Variants in SLC22A4 observed in about 807,000 individuals in gnomAD.
The protein encoded by SLC22A4 is solute carrier family 22 member 4, also known as ET transporter.
Under a neutral mutation model 56.6 loss-of-function variants are expected in SLC22A4, and 39 were observed. The observed-to-expected ratio is 0.69, with a 90% CI of 0.53 to 0.90. SLC22A4 has a LOEUF of 0.90. Among genes scored for constraint, SLC22A4 ranks in the 40% least tolerant of loss-of-function variants. The probability of loss-of-function intolerance (pLI) is 0.00; values close to 1 mark genes in which losing one functional copy is unlikely to be tolerated. For missense variants in SLC22A4, 594 were observed against 696.5 expected (o/e 0.85, Z 1.66); for synonymous variants, 241 against 281.4 (o/e 0.86, Z 1.44).
At chr5:132,299,400 TTTTATTTTATTTTA>T (rs1561533442) in intron 1 of SLC22A4, among the ~76,000 whole-genome samples, 6 of 127,228 alleles carry the variant, frequency 4.7e-5, no homozygotes, top group African/African-American at 1.7e-4. Context: ...TTTCGTTTTA[TTTTATTTTATTTTA>T]TTTTATTTTA....
chr5:132,323,419 G>A (rs1280282638), intron 4 of SLC22A4, among the ~76,000 whole-genome samples: 2 of 152,204 alleles, frequency 1.3e-5, no homozygotes, highest in Non-Finnish European at 2.9e-5. Flanking sequence ...CGCAGGTCAG[G>A]TGGGCTCACT....
chr5:132,295,241 CAACT>C (rs769668157), intron 1 of SLC22A4: 74 of 715,628 alleles, frequency 1.0e-4, no homozygotes, highest in Non-Finnish European at 1.6e-4. Context: ...AGTTTGTCAC[CAACT>C]GTCTTTTCAT....
Position 132,334,676 on chromosome 5 carries a change from G to A in SLC22A4, c.1047-42G>A, listed in dbSNP as rs199863244. 36 of 1,393,582 alleles carry A rather than the reference G, an allele frequency of 2.6e-5. 1 individual carries two copies. Among genetic ancestry groups the A allele is most frequent in the African/African-American group, 5.7e-5 (4 of 70,668 alleles). 86.3% of individuals were successfully genotyped at this position (1,393,582 alleles called of 1,614,324 possible). On this transcript the variant is annotated intron_variant, in intron 6 of 9. Transcript: ENST00000200652. The stretch of plus-strand genomic sequence containing the variant: ...CTTGACCATCATAAAATTTTAGAGC[G>A]ATTCACACCATCCCTTTGTCATTTT...
intron 1 of SLC22A4, among the ~76,000 whole-genome samples, chr5:132,306,062 A>G (rs1014233960): frequency 2.0e-5 from 3 of 152,140 alleles, no homozygotes; most frequent in Non-Finnish European, 4.4e-5. Flanking sequence ...AATGACTAAA[A>G]TTAAAGACAC....
chr5:132,315,451 T>G (rs1750318346), intron 3 of SLC22A4, among the ~76,000 whole-genome samples: 1 of 152,100 alleles, frequency 6.6e-6, no homozygotes, highest in Non-Finnish European at 1.5e-5. Flanking sequence ...GCCTTTTTAG[T>G]GGCACAGGGT....
intron 3 of SLC22A4, among the ~76,000 whole-genome samples, chr5:132,319,944 T>C (rs1230760690): frequency 6.6e-6 from 1 of 152,176 alleles, no homozygotes; most frequent in African/African-American, 2.4e-5. Context: ...ATAATATATG[T>C]AAACACTTAG....
In SLC22A4 at chr5:132,334,839, C is replaced by A; in HGVS notation, c.1168C>A (p.Leu390Met). 6.2e-7 allele frequency: 1 copy of A among 1,613,670 alleles called. No individual in the cohort carries two copies. The highest frequency in any genetic ancestry group is 8.5e-7 in the Non-Finnish European group (1 of 1,179,538). ...AATTCCAGCTTACATTACAGCCTGG[C>A]TGCTATTGCGAACCCTGCCCAGGCG... The part of the protein sequence containing the change: ...IEIPAYITAW[L>M]LLRTLPRRYI... The change falls in exon 7 of 10, where the codon CTG becomes ATG. Residue 390 changes from leucine to methionine, a missense_variant. Leu to Met is a conservative substitution (Grantham distance 15). Transcript: ENST00000200652.
intron 2 of SLC22A4, 56 bp from the exon 3 acceptor site, chr5:132,313,558 C>T: frequency 6.4e-7 from 1 of 1,552,266 alleles, no homozygotes; most frequent in East Asian, 2.2e-5. Context: ...TCAGGGCTTG[C>T]AACACACCTT....
intron 1 of SLC22A4, among the ~76,000 whole-genome samples, chr5:132,310,846 C>A (rs13174072): frequency 6.6e-6 from 1 of 152,126 alleles, no homozygotes; most frequent in Non-Finnish European, 1.5e-5. Flanking sequence ...TACTGTAACC[C>A]TTCTGAGAGC....
chr5:132,296,167 G>A (rs1749772484), intron 1 of SLC22A4, among the ~76,000 whole-genome samples: 2 of 152,220 alleles, frequency 1.3e-5, no homozygotes, highest in Non-Finnish European at 2.9e-5. Flanking sequence ...ACTCCAAGAA[G>A]GGGTGATATG....
chr5:132,305,202 GAAGA>G (rs1215946318), intron 1 of SLC22A4, among the ~76,000 whole-genome samples: 7 of 152,160 alleles, frequency 4.6e-5, no homozygotes, highest in African/African-American at 1.7e-4. Flanking sequence ...CAGCAAACTT[GAAGA>G]TAGAGGATTG....
intron 5 of SLC22A4, 51 bp from the exon 6 acceptor site, chr5:132,331,705 C>T: frequency 7.7e-7 from 1 of 1,293,146 alleles, no homozygotes; most frequent in Non-Finnish European, 1.1e-6. Context: ...GCCAAAGATA[C>T]TTCCTTACTA....
intron 4 of SLC22A4, chr5:132,324,473 G>T (rs1039934217): frequency 2.1e-6 from 1 of 470,478 alleles, no homozygotes; most frequent in Admixed American, 2.4e-5. Flanking sequence ...GCTGGTCCAT[G>T]AATGCTCCTG....
chr5:132,339,354 G>A (rs1014803150), intron 8 of SLC22A4, among the ~76,000 whole-genome samples: 3 of 151,872 alleles, frequency 2.0e-5, no homozygotes, highest in Admixed American at 6.6e-5. Context: ...GTGTTTCAGC[G>A]GCATGTTCAA....
chr5:132,313,624 A>G lies in SLC22A4; in HGVS notation c.508A>G (p.Lys170Glu). ...SGQLSDRFGR[K>E]NVLFATMAVQ... ...TACTGCATTCTCTAGGTTTGGCAGGAAGAACGTTCTCTTCGCAACCATGGC... is the reference window on the plus strand; with the variant it reads ...TACTGCATTCTCTAGGTTTGGCAGGGAGAACGTTCTCTTCGCAACCATGGC... The change falls in exon 3 of 10, where the codon AAG (lysine) becomes GAG (glutamate). Residue 170 changes from lysine to glutamate, a missense_variant. Physicochemically the swap from Lys to Glu is moderately conservative, Grantham distance 56. Coordinates refer to ENST00000200652, the MANE Select transcript of SLC22A4 (RefSeq NM_003059.3). The G allele has an allele frequency of 6.2e-7, 1 of 1,614,250 alleles. No homozygotes were observed. The highest frequency in any genetic ancestry group is 8.5e-7 in the Non-Finnish European group (1 of 1,180,026).
rs369167196 is a variant in SLC22A4 at position 132,298,018 on chromosome 5, AC to A, written c.393+3012del. 4.0e-3 allele frequency among the ~76,000 whole-genome samples: 608 copies of A among 152,154 alleles called. 3 individuals carry two copies. The highest frequency in any genetic ancestry group is 0.012 in the African/African-American group (482 of 41,514). On this transcript the variant is annotated intron_variant, in intron 1 of 9. Coordinates refer to ENST00000200652, the MANE Select transcript of SLC22A4 (RefSeq NM_003059.3). ...TTAGTGAGGATGTAGAGAAATTGAAACCCTTGTTCATTCCTAGTGGGAGTGT... is the reference window on the plus strand; with the variant it reads ...TTAGTGAGGATGTAGAGAAATTGAAACCTTGTTCATTCCTAGTGGGAGTGT...
rs139204992 is a variant in SLC22A4 at position 132,295,548 on chromosome 5, T to C, written c.393+539T>C. The stretch of plus-strand genomic sequence containing the variant: ...ACAGCAGATGGCCTCCTGAGGCTCA[T>C]TGGGTGCAAGGAAGCACAGAAGGCG... On this transcript the variant is annotated intron_variant, in intron 1 of 9. Transcript: ENST00000200652. 1,245 of 338,132 alleles carry C rather than the reference T, an allele frequency of 3.7e-3. 28 individuals are homozygous for C. Among genetic ancestry groups the C allele is most frequent in the East Asian group, 0.023 (295 of 12,674 alleles). 20.9% of individuals were successfully genotyped at this position (338,132 alleles called of 1,614,324 possible).
intron 6 of SLC22A4, 33 bp downstream of exon 6, chr5:132,331,883 C>G: frequency 7.5e-7 from 1 of 1,335,584 alleles, no homozygotes; most frequent in Non-Finnish European, 1.1e-6. Context: ...ATGCAGATAT[C>G]CAGCACATAA....
intron 1 of SLC22A4, among the ~76,000 whole-genome samples, chr5:132,298,720 CAGAGTGTGGCACCAGCAA>C (rs1380124653): frequency 4.6e-5 from 7 of 152,218 alleles, no homozygotes; most frequent in African/African-American, 9.6e-5. Flanking sequence ...GTGGCCAGCA[CAGAGTGTGGCACCAGCAA>C]AGAGTGTGGC....
Sources: gnomAD v4.1 joint callset for allele counts (sites outside exome capture counted in the v4.1 genomes callset) on GRCh38, gnomAD v4.1.1 for gene constraint, MANE v1.5 for transcripts, NCBI Gene and HGNC (gene_info 2026-07-23, HGNC 2026-07-21) for gene names.